RHOBTB1: variants seen among roughly 807,000 people sequenced by gnomAD.
RHOBTB1 encodes the protein Rho related BTB domain containing 1, also known as rho-related BTB domain-containing protein 1.
Under a neutral mutation model 71.6 loss-of-function variants are expected in RHOBTB1, and 40 were observed. The ratio of observed to expected loss-of-function variants is 0.56; its 90% CI spans 0.43 to 0.73. The LOEUF (loss-of-function observed/expected upper bound fraction) is 0.73, where lower values mean the gene tolerates loss of function less well. Among genes scored for constraint, RHOBTB1 ranks in the 30% least tolerant of loss-of-function variants. RHOBTB1 has a pLI of 0.00. For synonymous variants in RHOBTB1, 319 were observed against 334.9 expected (o/e 0.95, Z 0.52); for missense variants, 797 against 894.0 (o/e 0.89, Z 1.38).
At chr10:60,934,927 T>A (rs960738947) in intron 2 of RHOBTB1, among the ~76,000 whole-genome samples, 1 of 152,200 alleles carries the variant, frequency 6.6e-6, no homozygotes, top group Admixed American at 6.5e-5. Flanking sequence ...GCCGTGGGCA[T>A]GTTATATGAG....
intron 4 of RHOBTB1, among the ~76,000 whole-genome samples, chr10:60,906,475 C>T (rs1457976633): frequency 6.6e-6 from 1 of 152,226 alleles, no homozygotes. Context: ...CATCCATCAT[C>T]ATCACAAACT....
At chr10:60,899,510 C>T (rs1402822170) in intron 4 of RHOBTB1, among the ~76,000 whole-genome samples, 6 of 152,186 alleles carry the variant, frequency 3.9e-5, no homozygotes, top group Non-Finnish European at 8.8e-5. Context: ...TCTTCTGAGA[C>T]CAAACTGGGT....
intron 4 of RHOBTB1, among the ~76,000 whole-genome samples, chr10:60,897,572 T>C (rs986911414): frequency 1.3e-5 from 2 of 152,210 alleles, no homozygotes; most frequent in African/African-American, 2.4e-5. Flanking sequence ...AGAAGGACAG[T>C]GGACTCCACC....
chr10:60,896,785 T>C (rs936422252), intron 4 of RHOBTB1, among the ~76,000 whole-genome samples: 8 of 152,164 alleles, frequency 5.3e-5, no homozygotes, highest in African/African-American at 1.9e-4. Context: ...ATAATGTCCA[T>C]GAAATAATGT....
chr10:60,991,675 C>A (rs2134968370), intron 1 of RHOBTB1, among the ~76,000 whole-genome samples: 1 of 152,176 alleles, frequency 6.6e-6, no homozygotes, highest in East Asian at 1.9e-4. Context: ...TTGTGATCCA[C>A]CCGCCTCAGC....
At chr10:60,904,258 T>C (rs1320030085) in intron 4 of RHOBTB1, among the ~76,000 whole-genome samples, 1 of 152,220 alleles carries the variant, frequency 6.6e-6, no homozygotes. Context: ...ATTTCTCGTC[T>C]TAAAGAATTT....
intron 4 of RHOBTB1, among the ~76,000 whole-genome samples, chr10:60,910,424 TA>T (rs376614235): frequency 3.6e-4 from 55 of 152,302 alleles, no homozygotes; most frequent in African/African-American, 1.3e-3. Flanking sequence ...GACCTTCTAA[TA>T]AAAATAATAG....
intron 2 of RHOBTB1, among the ~76,000 whole-genome samples, chr10:60,973,371 T>C (rs1034032258): frequency 1.3e-4 from 20 of 152,062 alleles, no homozygotes; most frequent in African/African-American, 4.6e-4. Context: ...CAAAACAGCA[T>C]CCAAGAGAGA....
chr10:60,994,115 T>C (rs1156589301), intron 1 of RHOBTB1, among the ~76,000 whole-genome samples: 2 of 152,174 alleles, frequency 1.3e-5, no homozygotes, highest in South Asian at 2.1e-4. Flanking sequence ...TAAAAAACCA[T>C]ATCCTGATCT....
intron 2 of RHOBTB1, among the ~76,000 whole-genome samples, chr10:60,935,051 C>A (rs2084496033): frequency 6.6e-6 from 1 of 152,064 alleles, no homozygotes. Context: ...ATGTTCTTGG[C>A]AGCACTATCC....
chr10:60,949,664 CTTTTTT>C (rs147906688), intron 2 of RHOBTB1, among the ~76,000 whole-genome samples: 39 of 108,912 alleles, frequency 3.6e-4, no homozygotes, highest in East Asian at 1.1e-3. Context: ...CCAGGTGAAG[CTTTTTT>C]TTTTTTTTTT....
intron 1 of RHOBTB1, among the ~76,000 whole-genome samples, chr10:60,993,034 TAAG>T (rs2086922100): frequency 6.6e-6 from 1 of 152,172 alleles, no homozygotes; most frequent in Admixed American, 6.5e-5. Context: ...CATGCCTCTT[TAAG>T]AAGAGAACGA....
intron 2 of RHOBTB1, among the ~76,000 whole-genome samples, chr10:60,968,958 T>C (rs917643273): frequency 1.3e-5 from 2 of 152,116 alleles, no homozygotes; most frequent in Non-Finnish European, 2.9e-5. Flanking sequence ...CTAATGCTGA[T>C]GCCCGTGTTC....
In RHOBTB1 at chr10:60,995,632, C is replaced by T. The variant is rs369702338; in HGVS notation, c.-163+5767G>A. On this transcript the variant is annotated intron_variant, in intron 1 of 11. Coordinates refer to the RHOBTB1 transcript ENST00000357917. ...GTTTATTTGGATCAGAGTAAATTAT[C>T]TGAATTATCCATAATATTTCCTCTT... Among the ~76,000 whole-genome samples the T allele has an allele frequency of 4.3e-4, 65 of 152,268 alleles. 1 individual carries two copies. The highest frequency in any genetic ancestry group is 1.6e-3 in the Admixed American group (25 of 15,304).
intron 4 of RHOBTB1, among the ~76,000 whole-genome samples, chr10:60,905,246 C>CGA (rs888096286): frequency 6.6e-6 from 1 of 151,542 alleles, no homozygotes; most frequent in Non-Finnish European, 1.5e-5. Flanking sequence ...GTCAGCAGTT[C>CGA]GAGACCACCC....
In RHOBTB1 at chr10:60,910,976, A is replaced by G; in HGVS notation, c.207T>C (p.Ser69=). The change falls in exon 4 of 11, where the codon TCT becomes TCC. Residue 69 remains serine (S), a synonymous_variant. Coordinates refer to ENST00000337910, the MANE Select transcript of RHOBTB1 (RefSeq NM_014836.5). The part of the protein sequence containing the change: ...YRVCQEVLER[S]RDVVDEVSVS... ...CACTCACTTCATCAACAACATCCCG[A>G]GAACGCTCCAAGACCTGCAGGAGAG... The G allele has an allele frequency of 7.4e-6, 12 of 1,613,914 alleles. No individual in the cohort carries two copies. Among genetic ancestry groups the G allele is most frequent in the Non-Finnish European group, 8.5e-6 (10 of 1,179,932 alleles).
At chr10:60,949,856 T>C (rs1396150491) in intron 2 of RHOBTB1, among the ~76,000 whole-genome samples, 1 of 152,198 alleles carries the variant, frequency 6.6e-6, no homozygotes, top group Non-Finnish European at 1.5e-5. Flanking sequence ...TTGCAGTTTC[T>C]ATTTTACTGG....
chr10:60,880,198 T>G (rs2081256086), intron 7 of RHOBTB1, among the ~76,000 whole-genome samples: 1 of 140,702 alleles, frequency 7.1e-6, no homozygotes. Context: ...TGTGTGTGTG[T>G]GTGTGAGAGA....
At chr10:60,915,962 C>T (rs1184975264) in intron 2 of RHOBTB1, among the ~76,000 whole-genome samples, 1 of 152,160 alleles carries the variant, frequency 6.6e-6, no homozygotes, top group African/African-American at 2.4e-5. Flanking sequence ...ATATTGTTGT[C>T]ATCCAGAAAC....
Sources: allele counts gnomAD v4.1 joint callset (sites outside exome capture counted in the v4.1 genomes callset), GRCh38; gene constraint gnomAD v4.1.1; transcripts MANE v1.5; gene names NCBI Gene and HGNC (gene_info 2026-07-23, HGNC 2026-07-21).